DOK6: variants seen among roughly 807,000 people sequenced by gnomAD.
DOK6 encodes the protein downstream of tyrosine kinase 6.
Under a neutral mutation model 44.0 loss-of-function variants are expected in DOK6, and 22 were observed. The ratio of observed to expected loss-of-function variants is 0.50; its 90% CI spans 0.36 to 0.71. The LOEUF (loss-of-function observed/expected upper bound fraction) is 0.71, where lower values mean the gene tolerates loss of function less well. DOK6 is among the 30% of genes least tolerant of loss of function. DOK6 has a pLI of 0.00. For synonymous variants in DOK6, 166 were observed against 145.5 expected, an observed-to-expected ratio of 1.14 and a Z score of -1.01; for missense variants, 340 against 416.4, an observed-to-expected ratio of 0.82 and a Z score of 1.60.
At chr18:69,700,223 A>G (rs1422611641) in intron 5 of DOK6, among the ~76,000 whole-genome samples, 2 of 147,246 alleles carry the variant, frequency 1.4e-5, no homozygotes, top group Non-Finnish European at 3.0e-5. Flanking sequence ...ATACATATAT[A>G]TATATATATA....
chr18:69,609,375 C>T (rs1984080490), intron 3 of DOK6, among the ~76,000 whole-genome samples: 1 of 152,090 alleles, frequency 6.6e-6, no homozygotes, highest in Non-Finnish European at 1.5e-5. Flanking sequence ...AGATGGTCAA[C>T]AGGTGTATGA....
At position 69,520,324 on chromosome 18, in the gene DOK6, A is replaced by C. The variant is rs770669634; in HGVS notation, c.67-44163A>C. On this transcript the variant is annotated intron_variant, in intron 1 of 7. Transcript: ENST00000382713. The stretch of plus-strand genomic sequence containing the variant: ...TGGATTTGGGTAAGGTGTTAGTAAT[A>C]TAAGCTAATGTAATTAAATCCTATT... 2.6e-5 allele frequency among the ~76,000 whole-genome samples: 4 copies of C among 151,908 alleles called. No homozygotes were observed. The East Asian group carries it at 7.7e-4, about 29-fold the overall frequency.
At chr18:69,726,474 C>T (rs76749159) in intron 5 of DOK6, among the ~76,000 whole-genome samples, 5,124 of 152,172 alleles carry the variant, frequency 0.034, 101 homozygotes, top group African/African-American at 0.04. Context: ...CTTAATGTCG[C>T]GTGTGAATGA....
At chr18:69,635,556 G>A (rs904501390) in intron 3 of DOK6, among the ~76,000 whole-genome samples, 3 of 152,128 alleles carry the variant, frequency 2.0e-5, no homozygotes, top group Non-Finnish European at 4.4e-5. Context: ...ACACCCTCAG[G>A]ACAGATTTTA....
chr18:69,578,882 A>C (rs1983298823), intron 2 of DOK6, among the ~76,000 whole-genome samples: 2 of 151,922 alleles, frequency 1.3e-5, no homozygotes, highest in Non-Finnish European at 2.9e-5. Flanking sequence ...TTCACTATAA[A>C]TATCTAGCAT....
intron 4 of DOK6, among the ~76,000 whole-genome samples, chr18:69,684,690 A>G (rs1391302657): frequency 2.6e-5 from 4 of 152,172 alleles, no homozygotes; most frequent in African/African-American, 9.7e-5. Context: ...ATCATCCTGT[A>G]TAAATTGGAG....
intron 4 of DOK6, among the ~76,000 whole-genome samples, chr18:69,695,770 G>T (rs1332562489): frequency 6.6e-6 from 1 of 152,138 alleles, no homozygotes; most frequent in Non-Finnish European, 1.5e-5. Flanking sequence ...AATAGATTTT[G>T]AATATTTGAA....
At chr18:69,465,910 AT>A (rs1026850007) in intron 1 of DOK6, among the ~76,000 whole-genome samples, 2 of 152,200 alleles carry the variant, frequency 1.3e-5, no homozygotes, top group African/African-American at 4.8e-5. Context: ...TACCTTAAAC[AT>A]TTATAGTTGA....
intron 7 of DOK6, among the ~76,000 whole-genome samples, chr18:69,811,016 A>G (rs550628242): frequency 6.6e-6 from 1 of 152,250 alleles, no homozygotes; most frequent in South Asian, 2.1e-4. Context: ...TTACCATAGC[A>G]TTATTCACAG....
chr18:69,817,578 G>C (rs1023743), intron 7 of DOK6, among the ~76,000 whole-genome samples: 18,114 of 152,136 alleles, frequency 0.12, 1,110 homozygotes, highest in East Asian at 0.16. Flanking sequence ...AGAGAGGAGA[G>C]AGAGAACTGC....
At chr18:69,624,460 T>G (rs8096827) in intron 3 of DOK6, among the ~76,000 whole-genome samples, 104,317 of 152,002 alleles carry the variant, frequency 0.69, 39,528 homozygotes, top group Non-Finnish European at 0.86. Context: ...TATTTTTCTG[T>G]AATCAGGTAA....
intron 7 of DOK6, among the ~76,000 whole-genome samples, chr18:69,827,178 G>A (rs1599347548): frequency 6.6e-6 from 1 of 152,078 alleles, no homozygotes; most frequent in African/African-American, 2.4e-5. Flanking sequence ...ATCATTCAAA[G>A]CTTCCTATCA....
At chr18:69,671,685 A>T (rs757868420) in intron 3 of DOK6, among the ~76,000 whole-genome samples, 5 of 152,230 alleles carry the variant, frequency 3.3e-5, no homozygotes, top group Non-Finnish European at 5.9e-5. Context: ...GCTAAGCAAG[A>T]CTTATAAACT....
At chr18:69,485,089 C>G (rs1365128745) in intron 1 of DOK6, among the ~76,000 whole-genome samples, 1 of 152,048 alleles carries the variant, frequency 6.6e-6, no homozygotes, top group Admixed American at 6.6e-5. Flanking sequence ...AATACAGAGT[C>G]CACTAATAGT....
chr18:69,756,529 G>T (rs768767061), intron 6 of DOK6, among the ~76,000 whole-genome samples: 2 of 152,174 alleles, frequency 1.3e-5, no homozygotes, highest in African/African-American at 2.4e-5. Context: ...TTACTACTAA[G>T]AAAGTAAAAT....
intron 3 of DOK6, among the ~76,000 whole-genome samples, chr18:69,621,376 C>G (rs1159071330): frequency 2.0e-5 from 3 of 152,092 alleles, no homozygotes; most frequent in Non-Finnish European, 4.4e-5. Flanking sequence ...TTTTAATTTC[C>G]TTCTATTCAT....
At chr18:69,782,061 T>C (rs1441034126) in intron 7 of DOK6, among the ~76,000 whole-genome samples, 1 of 151,768 alleles carries the variant, frequency 6.6e-6, no homozygotes, top group Non-Finnish European at 1.5e-5. Context: ...ATAAAATAAT[T>C]ACTGTGAAAA....
chr18:69,817,849 C>T (rs987624781), intron 7 of DOK6, among the ~76,000 whole-genome samples: 3 of 152,166 alleles, frequency 2.0e-5, no homozygotes, highest in African/African-American at 7.2e-5. Flanking sequence ...GACCAGTTCA[C>T]CACCAGCTGC....
At chr18:69,532,120 G>C (rs954331616) in intron 1 of DOK6, among the ~76,000 whole-genome samples, 10 of 152,170 alleles carry the variant, frequency 6.6e-5, no homozygotes, top group Non-Finnish European at 1.2e-4. Context: ...CTTTGACCTT[G>C]GACTTCCTGG....
Sources: gnomAD v4.1 joint callset for allele counts (sites outside exome capture counted in the v4.1 genomes callset) on GRCh38, gnomAD v4.1.1 for gene constraint, MANE v1.5 for transcripts, NCBI Gene and HGNC (gene_info 2026-07-23, HGNC 2026-07-21) for gene names.